Variants in MAGI2 observed in about 807,000 individuals in gnomAD.
MAGI2 encodes membrane-associated guanylate kinase, WW and PDZ domain-containing protein 2.
A neutral mutation model predicts 133.3 loss-of-function variants in MAGI2; 35 were observed. The observed-to-expected ratio is 0.26, with a 90% CI of 0.20 to 0.35. The LOEUF (loss-of-function observed/expected upper bound fraction) is 0.35. Among genes scored for constraint, MAGI2 ranks in the 10% least tolerant of loss-of-function variants. MAGI2 has a pLI of 1.00. For missense variants in MAGI2, 1,636 were observed against 1,863.4 expected (o/e 0.88, Z 2.25); for synonymous variants, 729 against 710.6 (o/e 1.03, Z -0.41).
intron 1 of MAGI2, among the ~76,000 whole-genome samples, chr7:79,206,083 T>C (rs988452546): frequency 3.3e-5 from 5 of 151,404 alleles, no homozygotes; most frequent in Admixed American, 2.6e-4. Context: ...AAAGCAGATA[T>C]GAGAGGGAAG....
intron 2 of MAGI2, among the ~76,000 whole-genome samples, chr7:78,770,353 GGT>G (rs768622104): frequency 1.3e-5 from 2 of 152,112 alleles, no homozygotes; most frequent in East Asian, 1.9e-4. Flanking sequence ...AAGAATACCT[GGT>G]GTGTGTCTTT....
intron 1 of MAGI2, among the ~76,000 whole-genome samples, chr7:79,039,830 T>C (rs1811459025): frequency 6.8e-6 from 1 of 146,108 alleles, no homozygotes; most frequent in African/African-American, 2.5e-5. Flanking sequence ...TATATTTCAT[T>C]GTATATATTA....
intron 6 of MAGI2, among the ~76,000 whole-genome samples, chr7:78,399,181 T>C (rs781191294): frequency 3.3e-5 from 5 of 152,044 alleles, no homozygotes; most frequent in Non-Finnish European, 7.4e-5. Flanking sequence ...CAAGGAATAA[T>C]TCAGTGAAAA....
chr7:78,540,489 C>T (rs927609240), intron 3 of MAGI2, among the ~76,000 whole-genome samples: 23 of 152,256 alleles, frequency 1.5e-4, no homozygotes, highest in African/African-American at 5.1e-4. Flanking sequence ...TGACATCTTG[C>T]CCCAGGCGAC....
chr7:78,308,747 G>C (rs1798448545), intron 9 of MAGI2, among the ~76,000 whole-genome samples: 3 of 152,126 alleles, frequency 2.0e-5, no homozygotes, highest in Admixed American at 1.3e-4. Context: ...TCAATATTCA[G>C]CTGAGTTAGG....
At chr7:79,247,669 C>T (rs377166465) in intron 1 of MAGI2, among the ~76,000 whole-genome samples, 16 of 152,048 alleles carry the variant, frequency 1.1e-4, no homozygotes, top group East Asian at 5.8e-4. Flanking sequence ...AGACACAGTA[C>T]AATAAGATAC....
At position 79,186,046 on chromosome 7, in the gene MAGI2, T is replaced by A. The variant is rs185263881; in HGVS notation, c.302-178840A>T. Among the ~76,000 whole-genome samples the A allele has an allele frequency of 1.9e-3, 292 of 151,490 alleles. 5 individuals carry two copies. The highest frequency in any genetic ancestry group is 6.2e-3 in the African/African-American group (256 of 41,242). On this transcript the variant is annotated intron_variant, in intron 1 of 21. Transcript: ENST00000354212. Reference sequence around the variant, plus strand: ...TTTTTTTGATAGTGAATTTTATGTCTTACAGAGCCAGTGCTAAAAAATGTG... The same window carrying A: ...TTTTTTTGATAGTGAATTTTATGTCATACAGAGCCAGTGCTAAAAAATGTG...
chr7:78,023,402 T>G (rs1318568143), intron 21 of MAGI2, among the ~76,000 whole-genome samples: 2 of 152,144 alleles, frequency 1.3e-5, no homozygotes, highest in Non-Finnish European at 2.9e-5. Context: ...TTGCCTCCCT[T>G]TCTCCTTTTT....
intron 2 of MAGI2, among the ~76,000 whole-genome samples, chr7:78,678,128 T>C (rs749699139): frequency 1.1e-4 from 17 of 152,166 alleles, no homozygotes; most frequent in Middle Eastern, 3.4e-3. Context: ...AAGAAGACAA[T>C]GGAATAGTGG....
At chr7:78,970,594 C>T (rs778948141) in intron 2 of MAGI2, among the ~76,000 whole-genome samples, 4 of 151,886 alleles carry the variant, frequency 2.6e-5, no homozygotes, top group Admixed American at 6.6e-5. Flanking sequence ...GCTATAAATT[C>T]TCCTTACATT....
chr7:78,630,249 T>G (rs1302309270), intron 2 of MAGI2, among the ~76,000 whole-genome samples: 1 of 151,914 alleles, frequency 6.6e-6, no homozygotes, highest in Non-Finnish European at 1.5e-5. Context: ...TAACTCTTTT[T>G]TTTGTCTATA....
At chr7:78,999,921 G>T (rs971706264) in intron 2 of MAGI2, among the ~76,000 whole-genome samples, 8 of 152,022 alleles carry the variant, frequency 5.3e-5, no homozygotes, top group Non-Finnish European at 1.0e-4. Flanking sequence ...CAAAAATCTG[G>T]CAGCTTCATT....
At chr7:78,536,034 T>C (rs896377157) in intron 3 of MAGI2, among the ~76,000 whole-genome samples, 2 of 151,664 alleles carry the variant, frequency 1.3e-5, no homozygotes, top group African/African-American at 2.4e-5. Context: ...TCCCCAGATT[T>C]TCAGGGAGAC....
Position 79,007,101 on chromosome 7 carries a change from C to A in MAGI2, c.407G>T (p.Arg136Leu), listed in dbSNP as rs762606410. Residue 136 changes from arginine to leucine, a missense_variant, in exon 2 of 22, where the codon CGC (arginine) becomes CTC (leucine). Coordinates refer to ENST00000354212, the MANE Select transcript of MAGI2 (RefSeq NM_012301.4). The stretch of plus-strand genomic sequence containing the variant: ...CCCATTGTACTCACATGGCACCGTG[C>A]GGAGGTAGAGGTTGTCACGAATGAT... The part of the protein sequence containing the change: ...QQIIRDNLYL[R>L]TVPCTTRPHK... 1.9e-6 allele frequency: 3 copies of A among 1,609,106 alleles called. No homozygotes were observed. Among genetic ancestry groups the A allele is most frequent in the Non-Finnish European group, 2.5e-6 (3 of 1,177,342 alleles).
chr7:78,891,362 T>A (rs915505089), intron 2 of MAGI2, among the ~76,000 whole-genome samples: 13 of 152,146 alleles, frequency 8.5e-5, no homozygotes, highest in Non-Finnish European at 1.8e-4. Context: ...GAGAGAATCC[T>A]CCCTAACTCA....
chr7:79,041,865 T>A (rs1811702009), intron 1 of MAGI2, among the ~76,000 whole-genome samples: 1 of 152,122 alleles, frequency 6.6e-6, no homozygotes, highest in African/African-American at 2.4e-5. Context: ...TGAACTGAAT[T>A]TTCAATCTAA....
intron 3 of MAGI2, among the ~76,000 whole-genome samples, chr7:78,624,075 T>C (rs1174829970): frequency 6.6e-6 from 1 of 152,190 alleles, no homozygotes; most frequent in Non-Finnish European, 1.5e-5. Flanking sequence ...GTTTCTTTAA[T>C]GATCAGTGAT....
intron 1 of MAGI2, among the ~76,000 whole-genome samples, chr7:79,160,533 A>G (rs1465419938): frequency 6.6e-6 from 1 of 152,106 alleles, no homozygotes; most frequent in Admixed American, 6.6e-5. Flanking sequence ...AACCCCTTTA[A>G]GAACAAAATT....
At chr7:79,306,200 C>T (rs1448864457) in intron 1 of MAGI2, among the ~76,000 whole-genome samples, 2 of 141,430 alleles carry the variant, frequency 1.4e-5, no homozygotes, top group African/African-American at 2.7e-5. Flanking sequence ...TATATATATA[C>T]ATGTATATAT....
Sources: allele counts gnomAD v4.1 joint callset (sites outside exome capture counted in the v4.1 genomes callset), GRCh38; gene constraint gnomAD v4.1.1; transcripts MANE v1.5; gene names NCBI Gene and HGNC (gene_info 2026-07-23, HGNC 2026-07-21).